VWA3B: variants seen among roughly 807,000 people sequenced by gnomAD.
VWA3B encodes the protein von Willebrand factor A domain containing 3B, also known as von Willebrand factor A domain-containing protein 3B.
VWA3B carries 138 observed loss-of-function variants against 158.3 expected under a neutral mutation model. That is an observed-to-expected ratio of 0.87 (90% CI 0.76 to 1.00). VWA3B has a LOEUF of 1.00. Among genes scored for constraint, VWA3B ranks in the 50% least tolerant of loss-of-function variants. The pLI is 0.00. For synonymous variants in VWA3B, 596 were observed against 587.3 expected (o/e 1.01, Z -0.21); for missense variants, 1,555 against 1,565.1 (o/e 0.99, Z 0.11).
At chr2:98,183,590 G>A (rs1255215579) in intron 9 of VWA3B, among the ~76,000 whole-genome samples, 1 of 152,142 alleles carries the variant, frequency 6.6e-6, no homozygotes, top group Admixed American at 6.5e-5. Flanking sequence ...CTGCATGCAC[G>A]GTTGCTTGAG....
chr2:98,195,168 C>G (rs894947386), intron 12 of VWA3B, among the ~76,000 whole-genome samples: 2 of 152,182 alleles, frequency 1.3e-5, no homozygotes, highest in African/African-American at 4.8e-5. Flanking sequence ...AATATAGGAG[C>G]TGGACATCGT....
intron 17 of VWA3B, 68 bp downstream of exon 17, chr2:98,234,835 C>A: frequency 6.2e-7 from 1 of 1,600,834 alleles, no homozygotes; most frequent in Non-Finnish European, 8.5e-7. Context: ...CCAGAAAGAG[C>A]TGCGTGTAGA....
At chr2:98,089,738 C>CCATTTGTATTTCAGACAATACAAATATTT (rs1682139101) in intron 1 of VWA3B, among the ~76,000 whole-genome samples, 1 of 151,636 alleles carries the variant, frequency 6.6e-6, no homozygotes, top group Non-Finnish European at 1.5e-5. Flanking sequence ...TACAAATATT[C>CCATTTGTATTTCAGACAATACAAATATTT]TCAGGCTACA....
intron 2 of VWA3B, among the ~76,000 whole-genome samples, chr2:98,105,197 G>C (rs768656796): frequency 1.3e-5 from 2 of 151,918 alleles, no homozygotes; most frequent in African/African-American, 4.8e-5. Context: ...TTCAGTTTTC[G>C]TTTATCTGAA....
chr2:98,266,544 C>CA (rs1687845444), intron 21 of VWA3B, among the ~76,000 whole-genome samples: 1 of 146,794 alleles, frequency 6.8e-6, no homozygotes, highest in Non-Finnish European at 1.5e-5. Flanking sequence ...TTTTTGGTTC[C>CA]ATATGAACTT....
rs369965204 is a variant in VWA3B, at chr2:98,194,407, G to A, written c.1652G>A (p.Gly551Asp). ...KSKFNFVKFDGQAVAWREQLA... is the reference protein window; with the variant it reads ...KSKFNFVKFDDQAVAWREQLA... ...AAGTTTAACTTTGTGAAGTTTGATG[G>A]TCAAGCAGTTGCTTGGCGGGAACAA... is the stretch of plus-strand genomic sequence containing the variant. Residue 551 changes from glycine to aspartate, a missense_variant, in exon 12 of 28, where the codon GGT becomes GAT. Transcript: ENST00000477737. 9.3e-6 allele frequency: 15 copies of A among 1,613,944 alleles called. No individual in the cohort carries two copies. The African/African-American group carries it at 1.1e-4, about 11-fold the overall frequency.
chr2:98,204,538 A>G (rs1021560328), intron 12 of VWA3B, among the ~76,000 whole-genome samples: 1 of 152,134 alleles, frequency 6.6e-6, no homozygotes, highest in South Asian at 2.1e-4. Context: ...CAAATTTTGA[A>G]CCAACTCTGA....
chr2:98,189,823 A>G (rs1681427106), intron 10 of VWA3B, among the ~76,000 whole-genome samples: 1 of 152,084 alleles, frequency 6.6e-6, no homozygotes, highest in Middle Eastern at 3.2e-3. Context: ...TCCCTTTTAT[A>G]TGTCTGGTAA....
chr2:98,134,232 C>T (rs1676090010), intron 7 of VWA3B, among the ~76,000 whole-genome samples: 1 of 152,168 alleles, frequency 6.6e-6, no homozygotes, highest in South Asian at 2.1e-4. Context: ...CTTGGCAAGG[C>T]AGAGCCACTC....
At chr2:98,295,757 G>A (rs1053362127) in intron 23 of VWA3B, among the ~76,000 whole-genome samples, 1 of 152,228 alleles carries the variant, frequency 6.6e-6, no homozygotes, top group African/African-American at 2.4e-5. Flanking sequence ...TAGGGTAAGG[G>A]AAGCCAAAAA....
At chr2:98,300,264 G>A (rs750352037) in intron 25 of VWA3B, 48 bp downstream of exon 25, 55 of 1,607,952 alleles carry the variant, frequency 3.4e-5, no homozygotes, top group Non-Finnish European at 4.6e-5. Context: ...GGCAATGCCA[G>A]GCTGTATCCT....
rs543202868 is a variant in VWA3B, at chr2:98,142,463, C to T, written c.988+8524C>T. Reference sequence around the variant, plus strand: ...CTGCTTTGTAAACCGTAATACCTCTCCTAGGGGTTCAGGCTTAAAAAAGCC... The same window carrying T: ...CTGCTTTGTAAACCGTAATACCTCTTCTAGGGGTTCAGGCTTAAAAAAGCC... On this transcript the variant is annotated intron_variant, in intron 7 of 27. Transcript: ENST00000477737. Among the ~76,000 whole-genome samples, 3 of 152,266 alleles carry T rather than the reference C, an allele frequency of 2.0e-5. No individual in the cohort carries two copies. The South Asian group carries it at 6.2e-4, about 32-fold the overall frequency.
chr2:98,106,116 C>T (rs371269654), intron 2 of VWA3B, among the ~76,000 whole-genome samples: 2 of 151,980 alleles, frequency 1.3e-5, no homozygotes, highest in South Asian at 2.1e-4. Flanking sequence ...TGTGTTTCAT[C>T]GTGTTAGCCA....
intron 8 of VWA3B, among the ~76,000 whole-genome samples, chr2:98,178,047 A>T (rs1227095584): frequency 1.3e-5 from 2 of 152,192 alleles, no homozygotes; most frequent in Non-Finnish European, 2.9e-5. Flanking sequence ...TATAATTAAT[A>T]ATAATTGAAG....
At chr2:98,327,517 G>A in the VWA3B span, among the ~76,000 whole-genome samples, 3 of 152,154 alleles carry the variant, frequency 2.0e-5, no homozygotes, top group South Asian at 2.1e-4. Context: ...ATAAAAGACT[G>A]TTTTAACAAT....
chr2:98,248,913 CTCCTTCCT>C lies in VWA3B; in HGVS notation c.2674-1393_2674-1386del, dbSNP rs145705950. ...TTTCCTTTCTTTCTTCTTTCTTTCT[CTCCTTCCT>C]TCCTTCCTTCCCTCTTTGTATTATT... On this transcript the variant is annotated intron_variant, in intron 19 of 27. Coordinates refer to ENST00000477737, the MANE Select transcript of VWA3B (RefSeq NM_144992.5). 4.6e-3 allele frequency among the ~76,000 whole-genome samples: 608 copies of C among 132,720 alleles called. 6 individuals carry two copies. The highest frequency in any genetic ancestry group is 7.0e-3 in the Non-Finnish European group (410 of 58,744). 87.1% of individuals were successfully genotyped at this position (132,720 alleles called of 152,430 possible).
intron 8 of VWA3B, among the ~76,000 whole-genome samples, chr2:98,165,210 G>A (rs1044310869): frequency 1.3e-5 from 2 of 152,202 alleles, no homozygotes; most frequent in Admixed American, 6.5e-5. Context: ...GGCTCCTTAT[G>A]AGCGTTAGCT....
At chr2:98,250,951 C>T (rs1686762071) in intron 20 of VWA3B, among the ~76,000 whole-genome samples, 1 of 151,972 alleles carries the variant, frequency 6.6e-6, no homozygotes, top group Non-Finnish European at 1.5e-5. Flanking sequence ...TAAATAAATA[C>T]AGGCTGGGTG....
intron 13 of VWA3B, chr2:98,216,982 A>AGCCCCCCC: frequency 8.1e-7 from 1 of 1,232,686 alleles, no homozygotes; most frequent in Non-Finnish European, 1.0e-6. Context: ...CATTGTAAGC[A>AGCCCCCCC]CCCGCCCCGC....
Sources: gnomAD v4.1 joint callset for allele counts (sites outside exome capture counted in the v4.1 genomes callset) on GRCh38, gnomAD v4.1.1 for gene constraint, MANE v1.5 for transcripts, NCBI Gene and HGNC (gene_info 2026-07-23, HGNC 2026-07-21) for gene names.